KCND3: variants seen among roughly 807,000 people sequenced by gnomAD.
KCND3 encodes A-type voltage-gated potassium channel KCND3.
A neutral mutation model predicts 51.1 loss-of-function variants in KCND3; 9 were observed. That is an observed-to-expected ratio of 0.18 (90% CI 0.11 to 0.31). KCND3 has a LOEUF of 0.31. Among genes scored for constraint, KCND3 ranks in the 10% least tolerant of loss-of-function variants. KCND3 has a pLI of 1.00. For missense variants in KCND3, 526 were observed against 903.8 expected (o/e 0.58, Z 5.36); for synonymous variants, 349 against 368.0 (o/e 0.95, Z 0.59).
chr1:111,970,310 C>A (rs1056801353), intron 2 of KCND3, among the ~76,000 whole-genome samples: 3 of 152,212 alleles, frequency 2.0e-5, no homozygotes, highest in African/African-American at 7.2e-5. Flanking sequence ...ATTTGTTGAT[C>A]ATGTGTTGCT....
chr1:111,910,568 G>C (rs1249612350), intron 2 of KCND3, among the ~76,000 whole-genome samples: 1 of 152,180 alleles, frequency 6.6e-6, no homozygotes, highest in South Asian at 2.1e-4. Context: ...CATCTGCAGG[G>C]CGGCCAACAA....
At position 111,827,645 on chromosome 1, in the gene KCND3, G is replaced by A. The variant is rs74112155; in HGVS notation, c.1107-40539C>T. On this transcript the variant is annotated intron_variant, in intron 2 of 7. Transcript: ENST00000302127. ...GTAACAATCCTATGAGGCTGGTACT[G>A]TTATTACAACCATGTTATATATGAG... is the stretch of plus-strand genomic sequence containing the variant. Among the ~76,000 whole-genome samples, 281 of 152,310 alleles carry A rather than the reference G, an allele frequency of 1.8e-3. 1 individual carries two copies. Among genetic ancestry groups the A allele is most frequent in the African/African-American group, 6.4e-3 (266 of 41,574 alleles).
intron 2 of KCND3, among the ~76,000 whole-genome samples, chr1:111,931,217 G>A (rs1363078796): frequency 6.6e-6 from 1 of 152,228 alleles, no homozygotes; most frequent in African/African-American, 2.4e-5. Flanking sequence ...CAAGAGGTAG[G>A]TGGGAAAGAG....
At chr1:111,966,107 C>A (rs1571915027) in intron 2 of KCND3, among the ~76,000 whole-genome samples, 1 of 152,254 alleles carries the variant, frequency 6.6e-6, no homozygotes, top group East Asian at 1.9e-4. Flanking sequence ...AGTCCTTATC[C>A]CCTCTGCACA....
At chr1:111,898,859 C>T (rs2101784797) in intron 2 of KCND3, among the ~76,000 whole-genome samples, 1 of 152,244 alleles carries the variant, frequency 6.6e-6, no homozygotes, top group East Asian at 1.9e-4. Context: ...CCCTCAGCTG[C>T]AGGACCACAG....
chr1:111,915,752 C>CA (rs35574221), intron 2 of KCND3, among the ~76,000 whole-genome samples: 3,875 of 66,532 alleles, frequency 0.058, 338 homozygotes, highest in African/African-American at 0.086. Context: ...GACTCTGTCT[C>CA]AAAAAAAAAA....
At chr1:111,838,579 C>A (rs1300871910) in intron 2 of KCND3, among the ~76,000 whole-genome samples, 1 of 152,064 alleles carries the variant, frequency 6.6e-6, no homozygotes, top group Non-Finnish European at 1.5e-5. Flanking sequence ...ATGGCTTGAA[C>A]CTGGGAGGCG....
intron 2 of KCND3, among the ~76,000 whole-genome samples, chr1:111,951,635 G>C (rs988095683): frequency 6.6e-6 from 1 of 152,156 alleles, no homozygotes; most frequent in Non-Finnish European, 1.5e-5. Context: ...AGATACAATA[G>C]AGAATAAAAC....
intron 2 of KCND3, among the ~76,000 whole-genome samples, chr1:111,973,378 C>T (rs1674449306): frequency 6.6e-6 from 1 of 152,186 alleles, no homozygotes; most frequent in South Asian, 2.1e-4. Context: ...TAGAGATTTC[C>T]CAGTCTCCTA....
chr1:111,949,274 C>T (rs992204427), intron 2 of KCND3, among the ~76,000 whole-genome samples: 3 of 152,192 alleles, frequency 2.0e-5, no homozygotes, highest in Non-Finnish European at 4.4e-5. Context: ...GGAGATAATA[C>T]GGTACGTCCT....
At chr1:111,929,808 C>T (rs1191876839) in intron 2 of KCND3, among the ~76,000 whole-genome samples, 1 of 152,204 alleles carries the variant, frequency 6.6e-6, no homozygotes, top group Non-Finnish European at 1.5e-5. Context: ...TCATTCAGCT[C>T]CAAGATAAGT....
At chr1:111,796,036 C>CT (rs1665041603) in intron 2 of KCND3, among the ~76,000 whole-genome samples, 1 of 152,090 alleles carries the variant, frequency 6.6e-6, no homozygotes, top group Admixed American at 6.6e-5. Flanking sequence ...GGGTTATTCG[C>CT]TTTTTTGCTT....
intron 2 of KCND3, among the ~76,000 whole-genome samples, chr1:111,847,157 C>T (rs971216312): frequency 3.3e-5 from 5 of 152,144 alleles, no homozygotes; most frequent in Admixed American, 6.5e-5. Flanking sequence ...CCAGAGAAAC[C>T]GAGAGGCGGG....
intron 2 of KCND3, among the ~76,000 whole-genome samples, chr1:111,947,658 A>G (rs886420724): frequency 6.6e-6 from 1 of 152,150 alleles, no homozygotes; most frequent in East Asian, 1.9e-4. Context: ...AACAGCTAAA[A>G]CAAGAAGGCA....
chr1:111,873,665 C>G (rs1668927148), intron 2 of KCND3, among the ~76,000 whole-genome samples: 1 of 152,054 alleles, frequency 6.6e-6, no homozygotes, highest in Non-Finnish European at 1.5e-5. Flanking sequence ...TAGAGAGGAT[C>G]TCTCTCTCAA....
chr1:111,845,277 C>T (rs1667494031), intron 2 of KCND3, among the ~76,000 whole-genome samples: 1 of 152,174 alleles, frequency 6.6e-6, no homozygotes, highest in South Asian at 2.1e-4. Context: ...TTTCTCCTGC[C>T]TTTCTGAGCA....
intron 2 of KCND3, among the ~76,000 whole-genome samples, chr1:111,864,434 C>T (rs1668465707): frequency 6.6e-6 from 1 of 152,164 alleles, no homozygotes; most frequent in African/African-American, 2.4e-5. Context: ...ATTTCTCGCT[C>T]ACTCTCTCTT....
intron 2 of KCND3, among the ~76,000 whole-genome samples, chr1:111,978,737 C>T (rs1674780228): frequency 6.6e-6 from 1 of 152,262 alleles, no homozygotes; most frequent in African/African-American, 2.4e-5. Flanking sequence ...GCTGTGCAGG[C>T]TGAAATCTTA....
In KCND3 at chr1:111,780,310, G is replaced by A; in HGVS notation, c.1376C>T (p.Thr459Ile). Residue 459 changes from threonine to isoleucine, a missense_variant, in exon 5 of 8, where the codon ACC becomes ATC. By Grantham distance (89) the Thr-to-Ile change is moderately conservative. Around this residue, in one of 5 missense-constraint regions of KCND3, gnomAD observed 266 missense variants for 305.5 expected, o/e 0.87. Coordinates refer to ENST00000302127, the MANE Select transcript of KCND3 (RefSeq NM_001378969.1). This position sits in a 1 kb window ranked among gnomAD's most constrained non-coding sequence, Gnocchi z 4.2. ...CTTGCCCATGTGCTCCTCTTCTGGG[G>A]TGCCCTAGTAAAAAAAGAAGAGAGA... ...LLNEALELTG[T>I]PEEEHMGKTT... 3 of 1,565,814 alleles carry A rather than the reference G, an allele frequency of 1.9e-6. No individual in the cohort carries two copies. The highest frequency in any genetic ancestry group is 2.6e-6 in the Non-Finnish European group (3 of 1,153,920).
Sources: allele counts gnomAD v4.1 joint callset (sites outside exome capture counted in the v4.1 genomes callset), GRCh38; gene constraint gnomAD v4.1.1; regional missense constraint gnomAD v4.1.1; non-coding constraint Gnocchi (gnomAD v3.1); transcripts MANE v1.5; gene names NCBI Gene and HGNC (gene_info 2026-07-23, HGNC 2026-07-21).